The following CAPZA1 variants were observed in gnomAD, a reference collection of about 807,000 sequenced individuals.
CAPZA1 encodes capping actin protein of muscle Z-line subunit alpha 1, also known as F-actin-capping protein subunit alpha-1.
CAPZA1 carries 10 observed loss-of-function variants against 40.8 expected under a neutral mutation model. The ratio of observed to expected loss-of-function variants is 0.25; its 90% CI spans 0.15 to 0.42. CAPZA1 has a LOEUF of 0.42. CAPZA1 is among the 10% of genes least tolerant of loss of function. The probability of loss-of-function intolerance (pLI) is 1.00; values close to 1 mark genes in which losing one functional copy is unlikely to be tolerated. For synonymous variants in CAPZA1, 98 were observed against 115.0 expected (o/e 0.85, Z 0.95); for missense variants, 277 against 353.8 (o/e 0.78, Z 1.74).
intron 1 of CAPZA1, among the ~76,000 whole-genome samples, chr1:112,630,213 T>C (rs530416190): frequency 6.6e-6 from 1 of 152,074 alleles, no homozygotes; most frequent in Admixed American, 6.5e-5. Flanking sequence ...TTTTAAGTAT[T>C]TTTTTTGTAG....
chr1:112,645,159 A>C (rs181386667), intron 1 of CAPZA1, among the ~76,000 whole-genome samples: 366 of 152,286 alleles, frequency 2.4e-3, no homozygotes, highest in African/African-American at 8.4e-3. Context: ...AAGCAAATCT[A>C]CTCTTTCCCT....
At chr1:112,637,712 T>C (rs767367201) in intron 1 of CAPZA1, among the ~76,000 whole-genome samples, 13 of 152,178 alleles carry the variant, frequency 8.5e-5, no homozygotes, top group Non-Finnish European at 1.3e-4. Context: ...TTTGGCCTCC[T>C]AAAGTGTTGG....
intron 7 of CAPZA1, chr1:112,666,817 T>C (rs1415940002): frequency 2.3e-6 from 1 of 425,962 alleles, no homozygotes; most frequent in African/African-American, 2.0e-5. Flanking sequence ...GTGCTTAGAA[T>C]GTGAAAAGCA....
intron 5 of CAPZA1, among the ~76,000 whole-genome samples, chr1:112,658,056 C>G (rs969167474): frequency 6.6e-6 from 1 of 152,146 alleles, no homozygotes; most frequent in Non-Finnish European, 1.5e-5. Context: ...TCCTGAGTGA[C>G]CTTAGGCAAG....
At chr1:112,629,772 C>T (rs748162883) in intron 1 of CAPZA1, among the ~76,000 whole-genome samples, 21 of 152,210 alleles carry the variant, frequency 1.4e-4, no homozygotes, top group Non-Finnish European at 2.8e-4. Flanking sequence ...TCATCCTTCT[C>T]TTTTATTCTC....
At position 112,619,892 on chromosome 1, in the gene CAPZA1, T is replaced by G. The variant is rs1670543026; in HGVS notation, c.39+9T>G. The G allele has an allele frequency of 1.2e-6, 2 of 1,604,998 alleles. No homozygotes were observed. Among genetic ancestry groups the G allele is most frequent in the South Asian group, 2.2e-5 (2 of 89,602 alleles). On this transcript the variant is annotated intron_variant, in intron 1 of 9. Transcript: ENST00000263168. The stretch of plus-strand genomic sequence containing the variant: ...TGTCGGATGAGGAGAAGGTAAGGGG[T>G]CCGCCTCTCTCTCTTACCTCCTCCC...
At chr1:112,667,236 G>C in intron 8 of CAPZA1, 91 bp downstream of exon 8, 1 of 889,920 alleles carries the variant, frequency 1.1e-6, no homozygotes. Flanking sequence ...TCTGCCAGTA[G>C]AAATTCAGTT....
intron 6 of CAPZA1, 68 bp downstream of exon 6, chr1:112,659,169 C>T (rs185616734): frequency 4.0e-6 from 4 of 999,790 alleles, no homozygotes; most frequent in Non-Finnish European, 6.4e-6. Context: ...GGTTTTTAAT[C>T]CAACTAGCTT....
Position 112,659,038 on chromosome 1 carries a change from T to C in CAPZA1, c.443T>C (p.Ile148Thr), listed in dbSNP as rs1671552632. The part of the protein sequence containing the change: ...NGFCTVYAKT[I>T]DGQQTIIACI... ...CAACAATAGGTTTATGCTAAAACTA[T>C]CGATGGGCAACAGACTATTATTGCA... The change falls in exon 6 of 10, where the codon ATC becomes ACC. Residue 148 changes from isoleucine to threonine, a missense_variant. Physicochemically the swap from Ile to Thr is moderately conservative, Grantham distance 89 (BLOSUM62 -1). Transcript: ENST00000263168. The C allele has an allele frequency of 2.5e-6, 4 of 1,613,280 alleles. No individual in the cohort carries two copies. The East Asian group carries it at 8.9e-5, about 36-fold the overall frequency.
At chr1:112,633,485 A>G (rs1469022860) in intron 1 of CAPZA1, among the ~76,000 whole-genome samples, 2 of 151,698 alleles carry the variant, frequency 1.3e-5, no homozygotes. Flanking sequence ...TTATCCATTC[A>G]TCTGTTGAGT....
intron 1 of CAPZA1, chr1:112,626,284 C>G (rs1042038920): frequency 6.6e-6 from 1 of 152,022 alleles, no homozygotes; most frequent in African/African-American, 2.4e-5. Context: ...TATATAGGAA[C>G]TATAATAACA....
chr1:112,627,976 G>A (rs1260039828), intron 1 of CAPZA1, among the ~76,000 whole-genome samples: 1 of 152,024 alleles, frequency 6.6e-6, no homozygotes, highest in East Asian at 1.9e-4. Context: ...AAAAAAAGTT[G>A]CTTAGTGCTC....
intron 1 of CAPZA1, among the ~76,000 whole-genome samples, chr1:112,646,506 A>G (rs1438387687): frequency 6.6e-6 from 1 of 152,048 alleles, no homozygotes; most frequent in East Asian, 1.9e-4. Flanking sequence ...GAGCCCAGGA[A>G]TTTGAGGCTG....
intron 2 of CAPZA1, among the ~76,000 whole-genome samples, chr1:112,649,138 G>A (rs191762335): frequency 1.1e-4 from 17 of 152,256 alleles, no homozygotes; most frequent in African/African-American, 3.9e-4. Flanking sequence ...TCATATTAAA[G>A]GATTCATTTA....
chr1:112,624,018 AAAG>A (rs1425107742), intron 1 of CAPZA1, among the ~76,000 whole-genome samples: 10 of 144,466 alleles, frequency 6.9e-5, no homozygotes, highest in African/African-American at 2.6e-4. Flanking sequence ...AAAAAAAAAA[AAAG>A]AAAAAAGAAA....
chr1:112,669,916 G>T, intron 9 of CAPZA1, 76 bp from the exon 10 acceptor site: 1 of 1,519,446 alleles, frequency 6.6e-7, no homozygotes, highest in South Asian at 1.1e-5. Context: ...CATATCCATT[G>T]ACTATAGCAT....
In CAPZA1 at chr1:112,641,886, CAA is replaced by C. The variant is rs56057393; in HGVS notation, c.40-5305_40-5304del. Among the ~76,000 whole-genome samples the C allele has an allele frequency of 8.8e-3, 859 of 98,024 alleles. 8 individuals are homozygous for C. The highest frequency in any genetic ancestry group is 0.023 in the African/African-American group (602 of 26,678). The allele number at this position is 98,024 out of a possible 152,430, so 64.3% of individuals were successfully genotyped here. A position where few individuals can be genotyped will look rare whatever the true frequency, so the allele number is the denominator to read the frequency against. On this transcript the variant is annotated intron_variant, in intron 1 of 9. Coordinates refer to ENST00000263168, the MANE Select transcript of CAPZA1 (RefSeq NM_006135.3). ...CCTGGGTGACAGACTGAGACTGTCT[CAA>C]AAAAAAAAAAAAAAAAAATACTAAA...
intron 1 of CAPZA1, among the ~76,000 whole-genome samples, chr1:112,624,494 G>A (rs1670757757): frequency 6.7e-6 from 1 of 150,018 alleles, no homozygotes; most frequent in South Asian, 2.1e-4. Context: ...TGTAATCCCA[G>A]CTACTCAGGA....
intron 1 of CAPZA1, 68 bp from the exon 2 acceptor site, chr1:112,647,142 T>C: frequency 1.4e-6 from 1 of 728,624 alleles, no homozygotes; most frequent in South Asian, 2.5e-5. Flanking sequence ...TTATAATTTG[T>C]TAATTATTTC....
Sources: allele counts gnomAD v4.1 joint callset (sites outside exome capture counted in the v4.1 genomes callset), GRCh38; gene constraint gnomAD v4.1.1; transcripts MANE v1.5; gene names NCBI Gene and HGNC (gene_info 2026-07-23, HGNC 2026-07-21).